GPAT4: variants seen among roughly 807,000 people sequenced by gnomAD.
GPAT4 encodes the protein glycerol-3-phosphate acyltransferase 4, also known as 1-AGP acyltransferase 6.
A neutral mutation model predicts 58.0 loss-of-function variants in GPAT4; 17 were observed. The observed-to-expected ratio is 0.29, with a 90% confidence interval of 0.20 to 0.44. The LOEUF (loss-of-function observed/expected upper bound fraction) is 0.44, where lower values mean the gene tolerates loss of function less well. Among genes scored for constraint, GPAT4 ranks in the 20% least tolerant of loss-of-function variants. The probability of loss-of-function intolerance (pLI) is 1.00; values close to 1 mark genes in which losing one functional copy is unlikely to be tolerated. For missense variants in GPAT4, 377 were observed against 574.5 expected (o/e 0.66, Z 3.51); for synonymous variants, 204 against 210.1 (o/e 0.97, Z 0.25).
At position 41,622,943 on chromosome 8, in the gene GPAT4, C is replaced by T. The variant is rs186123119; in HGVS notation, c.*1942C>T. ...CCAACTGGAGGGATCAGTAATTGGT[C>T]TTAAAAGATCAGGTTCTCTTTTAAA... On this transcript the variant is annotated 3_prime_UTR_variant, in exon 13 of 13. Transcript: ENST00000396987. 3.0e-4 allele frequency: 45 copies of T among 152,356 alleles called. No individual in the cohort carries two copies. In the East Asian group the frequency reaches 6.9e-3, roughly 23 times the overall value. 9.4% of individuals were successfully genotyped at this position (152,356 alleles called of 1,614,324 possible). A position where few individuals can be genotyped will look rare whatever the true frequency, so the allele number is the denominator to read the frequency against.
At chr8:41,582,763 T>G (rs528357933) in intron 1 of GPAT4, among the ~76,000 whole-genome samples, 1 of 152,002 alleles carries the variant, frequency 6.6e-6, no homozygotes, top group East Asian at 1.9e-4. Context: ...TTTAAGAAAT[T>G]GACAAACAGT....
chr8:41,600,228 T>G (rs1314162388), intron 2 of GPAT4, among the ~76,000 whole-genome samples: 1 of 151,858 alleles, frequency 6.6e-6, no homozygotes, highest in African/African-American at 2.4e-5. Context: ...TTAGTAGAGA[T>G]AGGGTTTCAC....
chr8:41,592,968 C>T (rs538745138), intron 1 of GPAT4, among the ~76,000 whole-genome samples: 1 of 152,246 alleles, frequency 6.6e-6, no homozygotes, highest in South Asian at 2.1e-4. Flanking sequence ...TTTTTATCCA[C>T]GTGGCCCAAA....
intron 2 of GPAT4, among the ~76,000 whole-genome samples, chr8:41,599,922 G>A (rs1803035267): frequency 6.6e-6 from 1 of 151,560 alleles, no homozygotes; most frequent in Non-Finnish European, 1.5e-5. Context: ...TGATTTCATT[G>A]TAATGTCTGT....
At chr8:41,615,482 G>A (rs1207274169) in intron 10 of GPAT4, among the ~76,000 whole-genome samples, 1 of 152,026 alleles carries the variant, frequency 6.6e-6, no homozygotes, top group Non-Finnish European at 1.5e-5. Context: ...AGCCCAGTGG[G>A]AGAAACAGCT....
intron 1 of GPAT4, among the ~76,000 whole-genome samples, chr8:41,586,533 T>TTGAGCTAGAA (rs1207217565): frequency 6.6e-6 from 1 of 152,200 alleles, no homozygotes; most frequent in Non-Finnish European, 1.5e-5. Context: ...ATTCTTAGTA[T>TTGAGCTAGAA]TGAGCTAGAA....
rs1025291623 is a variant in GPAT4 at position 41,602,660 on chromosome 8, A to G, written c.165+3356A>G. 3.3e-5 allele frequency among the ~76,000 whole-genome samples: 5 copies of G among 152,202 alleles called. No individual in the cohort carries two copies. The South Asian group carries it at 1.0e-3, about 32-fold the overall frequency. ...GAAGTCAGTATCTGTGTATCTGTCT[A>G]AAATACACCTAACACTTGTGGGTGT... is the stretch of plus-strand genomic sequence containing the variant. On this transcript the variant is annotated intron_variant, in intron 2 of 12. Transcript: ENST00000396987.
At chr8:41,611,852 T>A (rs1803454158) in intron 5 of GPAT4, 51 bp from the exon 6 acceptor site, 2 of 1,568,490 alleles carry the variant, frequency 1.3e-6, no homozygotes, top group Non-Finnish European at 1.8e-6. Context: ...TAACTCTTTC[T>A]GTCTTCCTGT....
chr8:41,600,137 C>G (rs1803048015), intron 2 of GPAT4, among the ~76,000 whole-genome samples: 1 of 149,962 alleles, frequency 6.7e-6, no homozygotes, highest in African/African-American at 2.5e-5. Flanking sequence ...CTCCCGGGTT[C>G]AAGCAATTCA....
Position 41,612,967 on chromosome 8 carries a change from GACAGA to G in GPAT4, c.911+11_911+15del. 1.2e-6 allele frequency: 2 copies of G among 1,612,688 alleles called. No individual in the cohort carries two copies. The highest frequency in any genetic ancestry group is 1.7e-4 in the Middle Eastern group (1 of 6,050). On this transcript the variant is annotated splice_region_variant and intron_variant, in intron 8 of 12. Coordinates refer to ENST00000396987, the MANE Select transcript of GPAT4 (RefSeq NM_178819.4). The stretch of plus-strand genomic sequence containing the variant: ...GCCACCTGGTGGCTAAGAGGTAATG[GACAGA>G]ACACTGCTGTTCTGCTTGGCCAGTT...
intron 1 of GPAT4, among the ~76,000 whole-genome samples, chr8:41,594,031 A>T (rs1802858699): frequency 6.6e-6 from 1 of 152,180 alleles, no homozygotes; most frequent in Non-Finnish European, 1.5e-5. Context: ...ATTAATGTTA[A>T]ACTTGGTTTT....
chr8:41,593,561 C>T (rs888082989), intron 1 of GPAT4, among the ~76,000 whole-genome samples: 2 of 152,146 alleles, frequency 1.3e-5, no homozygotes, highest in Non-Finnish European at 2.9e-5. Flanking sequence ...CTATGGCCCA[C>T]GACTCTGGAG....
chr8:41,595,268 T>A (rs949232812), intron 1 of GPAT4, among the ~76,000 whole-genome samples: 10 of 150,238 alleles, frequency 6.7e-5, no homozygotes, highest in African/African-American at 2.4e-4. Context: ...GATTTAGATC[T>A]CCTGTTAGGA....
chr8:41,603,626 C>G (rs1435779952), intron 2 of GPAT4, among the ~76,000 whole-genome samples: 1 of 151,880 alleles, frequency 6.6e-6, no homozygotes, highest in Non-Finnish European at 1.5e-5. Flanking sequence ...TTCTGATGTC[C>G]CAAGTATGGA....
At chr8:41,578,566 T>A (rs13270402) in intron 1 of GPAT4, 12,907 of 151,860 alleles carry the variant, frequency 0.085, 604 homozygotes, top group Middle Eastern at 0.17. Context: ...GCCCCTCGCC[T>A]CCCCCAAGTC....
chr8:41,585,477 A>G (rs776796660), intron 1 of GPAT4, among the ~76,000 whole-genome samples: 1 of 152,292 alleles, frequency 6.6e-6, no homozygotes, highest in Non-Finnish European at 1.5e-5. Context: ...ATTAACTACT[A>G]AAGTTGTGGT....
rs1022946745 is a variant in GPAT4, at chr8:41,598,449, C to A, written c.-691C>A. ...AGACATTGTGTGCCAGCATCTCTTTCCTTCTGGCAAAGACTGTAGCTCTCC... is the reference window on the plus strand; with the variant it reads ...AGACATTGTGTGCCAGCATCTCTTTACTTCTGGCAAAGACTGTAGCTCTCC... On this transcript the variant is annotated 5_prime_UTR_variant, in exon 2 of 13. Coordinates refer to ENST00000396987, the MANE Select transcript of GPAT4 (RefSeq NM_178819.4). 1 of 152,208 alleles carries A rather than the reference C, an allele frequency of 6.6e-6. No homozygotes were observed. Among genetic ancestry groups the A allele is most frequent in the African/African-American group, 2.4e-5 (1 of 41,444 alleles). The allele number at this position is 152,208 out of a possible 1,614,324, so 9.4% of individuals were successfully genotyped here.
At chr8:41,600,255 G>T (rs1803051818) in intron 2 of GPAT4, among the ~76,000 whole-genome samples, 1 of 151,978 alleles carries the variant, frequency 6.6e-6, no homozygotes, top group Admixed American at 6.6e-5. Flanking sequence ...GTCCAGGCTG[G>T]TCTCGAACTC....
At chr8:41,578,751 C>G (rs946236701) in intron 1 of GPAT4, among the ~76,000 whole-genome samples, 1 of 152,210 alleles carries the variant, frequency 6.6e-6, no homozygotes, top group African/African-American at 2.4e-5. Context: ...TCCCATTTTT[C>G]TTTAGGATTT....
Sources: allele counts gnomAD v4.1 joint callset (sites outside exome capture counted in the v4.1 genomes callset), GRCh38; gene constraint gnomAD v4.1.1; transcripts MANE v1.5; gene names NCBI Gene and HGNC (gene_info 2026-07-23, HGNC 2026-07-21).